Variants in SYCP1 observed in about 807,000 individuals in gnomAD.
SYCP1 encodes the protein synaptonemal complex protein 1, also known as cancer/testis antigen 8.
A neutral mutation model predicts 153.1 loss-of-function variants in SYCP1; 64 were observed. That is an observed-to-expected ratio of 0.42 (90% CI 0.34 to 0.51). SYCP1 has a LOEUF of 0.51. SYCP1 is among the 20% of genes least tolerant of loss of function. The pLI is 0.06. For synonymous variants in SYCP1, 384 were observed against 341.8 expected (o/e 1.12, Z -1.36); for missense variants, 997 against 1,049.0 (o/e 0.95, Z 0.68).
intron 27 of SYCP1, among the ~76,000 whole-genome samples, chr1:114,964,429 T>A (rs2101893441): frequency 6.6e-6 from 1 of 152,332 alleles, no homozygotes; most frequent in Non-Finnish European, 1.5e-5. Flanking sequence ...TTTGGTGTTT[T>A]AGTTATGAAG....
intron 12 of SYCP1, among the ~76,000 whole-genome samples, chr1:114,882,758 C>A (rs1570693880): frequency 6.6e-6 from 1 of 152,176 alleles, no homozygotes; most frequent in East Asian, 1.9e-4. Context: ...TTTTTCCCCC[C>A]ATGCACATGA....
intron 28 of SYCP1, among the ~76,000 whole-genome samples, chr1:114,979,135 C>CTT (rs145320506): frequency 4.4e-5 from 6 of 134,922 alleles, no homozygotes; most frequent in African/African-American, 1.3e-4. Context: ...TTTAACTAGG[C>CTT]TTTTTTTTTT....
intron 18 of SYCP1, among the ~76,000 whole-genome samples, chr1:114,911,840 C>A (rs1668201933): frequency 1.3e-5 from 2 of 151,876 alleles, no homozygotes; most frequent in Admixed American, 1.3e-4. Flanking sequence ...TTTAGTTCCC[C>A]ATAAAAATAA....
chr1:114,994,539 A>G (rs1052556482), intron 30 of SYCP1, among the ~76,000 whole-genome samples, 159 bp from the exon 31 acceptor site: 9 of 151,004 alleles, frequency 6.0e-5, no homozygotes, highest in African/African-American at 2.2e-4. Context: ...TTCTCTCTAT[A>G]ATCTTCTTTC....
chr1:114,885,689 T>C, intron 13 of SYCP1, 60 bp downstream of exon 13: 1 of 988,844 alleles, frequency 1.0e-6, no homozygotes, highest in Non-Finnish European at 1.5e-6. Context: ...AGTCAACAAA[T>C]ATTTATTAAA....
intron 29 of SYCP1, among the ~76,000 whole-genome samples, chr1:114,984,381 C>T (rs1022294129): frequency 3.3e-5 from 5 of 151,926 alleles, no homozygotes; most frequent in African/African-American, 7.2e-5. Flanking sequence ...TTATTTTTTT[C>T]GATCATGATT....
intron 8 of SYCP1, among the ~76,000 whole-genome samples, chr1:114,874,143 G>A (rs1665354780): frequency 6.6e-6 from 1 of 152,090 alleles, no homozygotes; most frequent in African/African-American, 2.4e-5. Context: ...TCTGCTTATG[G>A]GTTTCTGCCC....
chr1:114,927,927 C>A (rs1056325649), intron 23 of SYCP1, among the ~76,000 whole-genome samples: 11 of 151,982 alleles, frequency 7.2e-5, no homozygotes, highest in Non-Finnish European at 8.8e-5. Flanking sequence ...CTCAGGTGAT[C>A]CTCCTACCTC....
intron 23 of SYCP1, among the ~76,000 whole-genome samples, chr1:114,935,104 A>T (rs1159274077): frequency 6.6e-6 from 1 of 152,204 alleles, no homozygotes; most frequent in East Asian, 1.9e-4. Flanking sequence ...CAGAATGTAC[A>T]TTATTTTCAG....
intron 15 of SYCP1, among the ~76,000 whole-genome samples, chr1:114,893,066 A>G (rs576860568): frequency 4.6e-5 from 7 of 152,260 alleles, no homozygotes; most frequent in Non-Finnish European, 1.5e-5. Context: ...TCTCTTTTGA[A>G]TTCCAGTGTT....
chr1:114,905,354 T>C (rs1667743453), intron 16 of SYCP1, among the ~76,000 whole-genome samples: 1 of 152,170 alleles, frequency 6.6e-6, no homozygotes, highest in Non-Finnish European at 1.5e-5. Flanking sequence ...TCTCAAGTAG[T>C]GGTAAGACAA....
intron 15 of SYCP1, among the ~76,000 whole-genome samples, chr1:114,893,122 T>C (rs1442586050): frequency 1.3e-5 from 2 of 152,206 alleles, no homozygotes; most frequent in Non-Finnish European, 2.9e-5. Context: ...TACTCACTAA[T>C]TTAGTTATTC....
intron 30 of SYCP1, among the ~76,000 whole-genome samples, chr1:114,989,739 A>G (rs1673789892): frequency 6.6e-6 from 1 of 151,996 alleles, no homozygotes; most frequent in Non-Finnish European, 1.5e-5. Context: ...AATAGACTTT[A>G]AATTAAAAAG....
Position 114,947,811 on chromosome 1 carries a change from CAAAAAAAAAAAAAAAAAA to C in SYCP1, c.2322+505_2322+522del, listed in dbSNP as rs1174716918. ...TGGGAGACAGAGCGAGACTCCGTCT[CAAAAAAAAAAAAAAAAAA>C]AAAAAAAAAAAAAGAAAAGGAACCC... On this transcript the variant is annotated intron_variant, in intron 27 of 31. Transcript: ENST00000369522. Among the ~76,000 whole-genome samples, 14 of 43,880 alleles carry C rather than the reference CAAAAAAAAAAAAAAAAAA, an allele frequency of 3.2e-4. 1 individual carries two copies. The highest frequency in any genetic ancestry group is 1.2e-3 in the African/African-American group (13 of 10,422). The allele number at this position is 43,880 out of a possible 152,430, so 28.8% of individuals were successfully genotyped here.
chr1:114,860,433 A>G (rs538486154), intron 7 of SYCP1, among the ~76,000 whole-genome samples: 15 of 152,120 alleles, frequency 9.9e-5, no homozygotes, highest in Non-Finnish European at 1.9e-4. Context: ...CTGAAAGTTT[A>G]TTGATAGCAA....
intron 27 of SYCP1, among the ~76,000 whole-genome samples, chr1:114,976,550 G>A (rs1021257544): frequency 6.6e-6 from 1 of 150,676 alleles, no homozygotes; most frequent in African/African-American, 2.4e-5. Flanking sequence ...TGTAGGCGAT[G>A]GTTTCTCCCG....
chr1:114,922,450 G>A (rs1457499108), intron 20 of SYCP1, among the ~76,000 whole-genome samples: 2 of 152,152 alleles, frequency 1.3e-5, no homozygotes, highest in Non-Finnish European at 1.5e-5. Context: ...GAAGGCCTTA[G>A]GGAAATTTTA....
chr1:114,885,651 G>T, intron 13 of SYCP1, 22 bp downstream of exon 13: 1 of 1,365,922 alleles, frequency 7.3e-7, no homozygotes, highest in Non-Finnish European at 1.0e-6. Context: ...AAACTCATTA[G>T]TGTGTAATAA....
chr1:114,984,683 T>C, intron 29 of SYCP1, 42 bp from the exon 30 acceptor site: 1 of 1,285,684 alleles, frequency 7.8e-7, no homozygotes, highest in South Asian at 3.0e-5. Flanking sequence ...TAATGCATAT[T>C]TTATTTGATA....
Sources: allele counts gnomAD v4.1 joint callset (sites outside exome capture counted in the v4.1 genomes callset), GRCh38; gene constraint gnomAD v4.1.1; transcripts MANE v1.5; gene names NCBI Gene and HGNC (gene_info 2026-07-23, HGNC 2026-07-21).